The following SLFN13 variants were observed in gnomAD, a reference collection of about 807,000 sequenced individuals.
SLFN13 encodes schlafen family member 13.
Under a neutral mutation model 50.6 loss-of-function variants are expected in SLFN13, and 43 were observed. That is an observed-to-expected ratio of 0.85 (90% confidence interval 0.67 to 1.09). SLFN13 has a LOEUF of 1.09. SLFN13 is among the 50% of genes least tolerant of loss of function. SLFN13 has a pLI of 0.00. For missense variants in SLFN13, 881 were observed against 1,071.1 expected (o/e 0.82, Z 2.48); for synonymous variants, 339 against 386.5 (o/e 0.88, Z 1.44).
rs895877901 is a variant in SLFN13 at position 35,439,428 on chromosome 17, T to C, written c.*1167A>G. ...AGTAGTTATGCTATAGAGTAATGCATACAGCTACGCTGAGATGTTACAATG... is the reference window on the plus strand; with the variant it reads ...AGTAGTTATGCTATAGAGTAATGCACACAGCTACGCTGAGATGTTACAATG... On this transcript the variant is annotated 3_prime_UTR_variant, in exon 6 of 6. Coordinates refer to ENST00000285013, the MANE Select transcript of SLFN13 (RefSeq NM_144682.6). 1.3e-5 allele frequency: 2 copies of C among 152,150 alleles called. No individual in the cohort carries two copies. The highest frequency in any genetic ancestry group is 2.4e-5 in the African/African-American group (1 of 41,446). 9.4% of individuals were successfully genotyped at this position (152,150 alleles called of 1,614,324 possible).
rs141452748 is a variant in SLFN13, at chr17:35,435,988, G to A, written c.*4607C>T. The A allele has an allele frequency of 2.6e-5, 4 of 152,140 alleles. No individual in the cohort carries two copies. The highest frequency in any genetic ancestry group is 4.8e-5 in the African/African-American group (2 of 41,512). The allele number at this position is 152,140 out of a possible 1,614,324, so 9.4% of individuals were successfully genotyped here. A position where few individuals can be genotyped will look rare whatever the true frequency, so the allele number is the denominator to read the frequency against. On this transcript the variant is annotated 3_prime_UTR_variant, in exon 6 of 6. Coordinates refer to ENST00000285013, the MANE Select transcript of SLFN13 (RefSeq NM_144682.6). ...ATTCCTGACTTGAACCACCTTGGTC[G>A]TGGTGTATTATCACTTTTACAAATT... is the stretch of plus-strand genomic sequence containing the variant.
At position 35,435,485 on chromosome 17, in the gene SLFN13, TG is replaced by T; in HGVS notation, c.*5109del. Reference sequence around the variant, plus strand: ...TTTTTGTAGAGCCAGGATCTTGCTATGTTGCCAAGGCTTGTCTCTAACCCCT... The same window carrying T: ...TTTTTGTAGAGCCAGGATCTTGCTATTTGCCAAGGCTTGTCTCTAACCCCT... On this transcript the variant is annotated 3_prime_UTR_variant, in exon 6 of 6. Transcript: ENST00000285013. 1 of 152,234 alleles carries T rather than the reference TG, an allele frequency of 6.6e-6. No homozygotes were observed. Among genetic ancestry groups the T allele is most frequent in the Non-Finnish European group, 1.5e-5 (1 of 68,030 alleles). The allele number at this position is 152,234 out of a possible 1,614,324, so 9.4% of individuals were successfully genotyped here.
In SLFN13 at chr17:35,437,061, T is replaced by C. The variant is rs1432167096; in HGVS notation, c.*3534A>G. The C allele has an allele frequency of 6.6e-6, 1 of 152,112 alleles. No homozygotes were observed. The highest frequency in any genetic ancestry group is 1.5e-5 in the Non-Finnish European group (1 of 68,014). The allele number at this position is 152,112 out of a possible 1,614,324, so 9.4% of individuals were successfully genotyped here. Reference sequence around the variant, plus strand: ...ATGGGAACCCTGTCCGCTACTTACTTTTGAATCTCAGGAAGAAAAATGGTA... The same window carrying C: ...ATGGGAACCCTGTCCGCTACTTACTCTTGAATCTCAGGAAGAAAAATGGTA... On this transcript the variant is annotated 3_prime_UTR_variant, in exon 6 of 6. Coordinates refer to ENST00000285013, the MANE Select transcript of SLFN13 (RefSeq NM_144682.6).
rs1912670546 is a variant in SLFN13, at chr17:35,437,306, C to T, written c.*3289G>A. 1.3e-5 allele frequency: 2 copies of T among 152,068 alleles called. No homozygotes were observed. Among genetic ancestry groups the T allele is most frequent in the African/African-American group, 4.8e-5 (2 of 41,392 alleles). 9.4% of individuals were successfully genotyped at this position (152,068 alleles called of 1,614,324 possible). ...TCCTGGAATCAAGCGATCCTCTCGC[C>T]TCGGCCTCTGGAATAGCTAGGACTG... On this transcript the variant is annotated 3_prime_UTR_variant, in exon 6 of 6. Coordinates refer to ENST00000285013, the MANE Select transcript of SLFN13 (RefSeq NM_144682.6).
intron 5 of SLFN13, 83 bp downstream of exon 5, chr17:35,441,480 A>G (rs569687225): frequency 1.3e-6 from 2 of 1,599,356 alleles, no homozygotes; most frequent in African/African-American, 1.4e-5. Flanking sequence ...TTACCACTCA[A>G]TTCTCAAGGA....
rs888344812 is a variant in SLFN13, at chr17:35,439,895, C to T, written c.*700G>A. 2 of 152,174 alleles carry T rather than the reference C, an allele frequency of 1.3e-5. No individual in the cohort carries two copies. The highest frequency in any genetic ancestry group is 2.9e-5 in the Non-Finnish European group (2 of 68,030). The allele number at this position is 152,174 out of a possible 1,614,324, so 9.4% of individuals were successfully genotyped here. ...AACTTCTACTGAAAGCCAGCATTTT[C>T]TCTTGGCCTATAATTTCTCTGTAAA... On this transcript the variant is annotated 3_prime_UTR_variant, in exon 6 of 6. Transcript: ENST00000285013.
At chr17:35,443,396 C>G (rs142647775) in intron 4 of SLFN13, among the ~76,000 whole-genome samples, 2,059 of 152,272 alleles carry the variant, frequency 0.014, 62 homozygotes, top group Admixed American at 0.071. Flanking sequence ...GAAAAGTAGA[C>G]CAGAAGTGGC....
intron 1 of SLFN13, 98 bp downstream of exon 1, chr17:35,448,624 G>A (rs1016108317): frequency 6.6e-6 from 1 of 152,386 alleles, no homozygotes; most frequent in Non-Finnish European, 1.5e-5. Flanking sequence ...CTCCCCATCC[G>A]AGTCAACGCC....
chr17:35,445,845 G>T, intron 2 of SLFN13, 152 bp from the exon 3 acceptor site: 1 of 634,964 alleles, frequency 1.6e-6, no homozygotes, highest in Non-Finnish European at 2.5e-6. Context: ...GGAGCTGACT[G>T]GCTGGCAGGG....
Position 35,441,300 on chromosome 17 carries a change from T to C in SLFN13, c.1989A>G (p.Gln663=). 1 of 1,613,666 alleles carries C rather than the reference T, an allele frequency of 6.2e-7. No individual in the cohort carries two copies. The highest frequency in any genetic ancestry group is 8.5e-7 in the Non-Finnish European group (1 of 1,179,886). ...TFLREKFEHI[Q]HIVIDEAQNF... ...TCTGAGCTTCGTCAATGACGATGTG[T>C]TGAATGTGTTCAAATTTTTCTCTTA... Residue 663 remains glutamine, a synonymous_variant, in exon 6 of 6, where the codon CAA becomes CAG. Transcript: ENST00000285013.
chr17:35,435,248 A>G lies in SLFN13; in HGVS notation c.*5347T>C, dbSNP rs1473754266. On this transcript the variant is annotated 3_prime_UTR_variant, in exon 6 of 6. Transcript: ENST00000285013. Reference sequence around the variant, plus strand: ...AGCCTCTCCTCAGAGGTAAAACACCATATCAAAGTTTACATTGAACCTTGT... The same window carrying G: ...AGCCTCTCCTCAGAGGTAAAACACCGTATCAAAGTTTACATTGAACCTTGT... The G allele has an allele frequency of 6.6e-6, 1 of 151,964 alleles. No homozygotes were observed. 9.4% of individuals were successfully genotyped at this position (151,964 alleles called of 1,614,324 possible).
upstream of SLFN13, among the ~76,000 whole-genome samples, chr17:35,449,076 A>AACAACAACAAC (rs58902173): frequency 1.2e-3 from 135 of 115,678 alleles, 1 homozygote; most frequent in East Asian, 9.8e-3. Flanking sequence ...ACAACAACAA[A>AACAACAACAAC]ATTACTCAGG....
In SLFN13 at chr17:35,443,844, C is replaced by T. The variant is rs1478155484; in HGVS notation, c.1143G>A (p.Val381=). 9.9e-6 allele frequency: 16 copies of T among 1,613,666 alleles called. No homozygotes were observed. Among genetic ancestry groups the T allele is most frequent in the Non-Finnish European group, 1.2e-5 (14 of 1,179,722 alleles). ...LSDSPSLCRP[V]YSKKGLEHKA... The stretch of plus-strand genomic sequence containing the variant: ...TGTGTTCCAGACCTTTCTTAGAATA[C>T]ACTGGTCTGCAAAGTGAAGGACTGT... The change falls in exon 4 of 6, where the codon GTG becomes GTA. Residue 381 remains valine (V), a synonymous_variant. Transcript: ENST00000285013.
At chr17:35,442,772 C>G (rs1330590250) in intron 4 of SLFN13, among the ~76,000 whole-genome samples, 1 of 152,140 alleles carries the variant, frequency 6.6e-6, no homozygotes, top group African/African-American at 2.4e-5. Flanking sequence ...CCACAACCTA[C>G]AAATCTGGTA....
Position 35,440,658 on chromosome 17 carries a change from G to C in SLFN13, c.2631C>G (p.Ile877Met). ...GIHPRTADPAILPNILICLAS... is the reference protein window; with the variant it reads ...GIHPRTADPAMLPNILICLAS... ...CCAGACAGATCAGAATATTGGGTAA[G>C]ATAGCTGGGTCAGCTGTCCTTGGAT... Residue 877 changes from isoleucine to methionine, a missense_variant, in exon 6 of 6, where the codon ATC becomes ATG. By Grantham distance (10) the Ile-to-Met change is conservative. Transcript: ENST00000285013. The C allele has an allele frequency of 1.9e-6, 3 of 1,614,178 alleles. No homozygotes were observed. Among genetic ancestry groups the C allele is most frequent in the Non-Finnish European group, 2.5e-6 (3 of 1,180,026 alleles).
At chr17:35,446,447 G>GA (rs2142095670) in intron 2 of SLFN13, among the ~76,000 whole-genome samples, 1 of 152,328 alleles carries the variant, frequency 6.6e-6, no homozygotes, top group African/African-American at 2.4e-5. Context: ...CAGAGTCAAT[G>GA]AAGATGGCTT....
chr17:35,442,483 G>A (rs531185331), intron 4 of SLFN13, among the ~76,000 whole-genome samples, 197 bp from the exon 5 acceptor site: 47 of 152,226 alleles, frequency 3.1e-4, no homozygotes, highest in Middle Eastern at 3.4e-3. Context: ...TCGCTCTGTC[G>A]CCCAGGCTGG....
rs925242478 is a variant in SLFN13 at position 35,435,494 on chromosome 17, G to A, written c.*5101C>T. On this transcript the variant is annotated 3_prime_UTR_variant, in exon 6 of 6. Transcript: ENST00000285013. ...AGCCAGGATCTTGCTATGTTGCCAAGGCTTGTCTCTAACCCCTGGGCTCAA... is the reference window on the plus strand; with the variant it reads ...AGCCAGGATCTTGCTATGTTGCCAAAGCTTGTCTCTAACCCCTGGGCTCAA... 3.9e-5 allele frequency: 6 copies of A among 151,928 alleles called. No individual in the cohort carries two copies. The highest frequency in any genetic ancestry group is 8.8e-5 in the Non-Finnish European group (6 of 67,972). 9.4% of individuals were successfully genotyped at this position (151,928 alleles called of 1,614,324 possible). A position where few individuals can be genotyped will look rare whatever the true frequency, so the allele number is the denominator to read the frequency against.
chr17:35,446,924 T>A (rs1913241143), intron 2 of SLFN13: 1 of 152,374 alleles, frequency 6.6e-6, no homozygotes, highest in East Asian at 1.9e-4. Flanking sequence ...AACATCTTTG[T>A]CAAGTTACCT....
Sources: allele counts gnomAD v4.1 joint callset (sites outside exome capture counted in the v4.1 genomes callset), GRCh38; gene constraint gnomAD v4.1.1; transcripts MANE v1.5; gene names NCBI Gene and HGNC (gene_info 2026-07-23, HGNC 2026-07-21).